The following EAF2 variants were observed in gnomAD, a reference collection of about 807,000 sequenced individuals.
The protein encoded by EAF2 is ELL associated factor 2, also known as ELL-associated factor 2.
EAF2 carries 29 observed loss-of-function variants against 29.4 expected under a neutral mutation model. The observed-to-expected ratio is 0.99, with a 90% CI of 0.73 to 1.35. EAF2 has a LOEUF of 1.35. EAF2 is among the 40% of genes most tolerant of loss of function. The probability of loss-of-function intolerance (pLI) is 0.00; values close to 1 mark genes in which losing one functional copy is unlikely to be tolerated. For synonymous variants in EAF2, 103 were observed against 102.5 expected (o/e 1.00, Z -0.03); for missense variants, 292 against 312.0 (o/e 0.94, Z 0.48).
rs1222145400 is a variant in EAF2, at chr3:121,879,604, TTTTC to T, written c.737-6722_737-6719del. ...GGGGTCTAGTTCCTTTTTTCTTTTC[TTTTC>T]TTTCTTTCTTTCTTTTTTTTTTTAA... On this transcript the variant is annotated intron_variant, in intron 5 of 5. Transcript: ENST00000273668. 5.6e-3 allele frequency among the ~76,000 whole-genome samples: 454 copies of T among 81,626 alleles called. 2 individuals carry two copies. The highest frequency in any genetic ancestry group is 0.017 in the African/African-American group (437 of 26,186). 53.5% of individuals were successfully genotyped at this position (81,626 alleles called of 152,430 possible). A position where few individuals can be genotyped will look rare whatever the true frequency, so the allele number is the denominator to read the frequency against.
rs200075766 is a variant in EAF2 at position 121,835,246 on chromosome 3, G to C, written c.-40G>C. 1.5e-5 allele frequency: 24 copies of C among 1,593,650 alleles called. 1 individual carries two copies. The South Asian group carries it at 2.3e-4, about 15-fold the overall frequency. ...TTCAGGCTGAGGTGGCAGATAGTGA[G>C]CGCTGGTGGCGGAGTTAAAGTCAAA... On this transcript the variant is annotated 5_prime_UTR_variant, in exon 1 of 6. Transcript: ENST00000273668.
intron 5 of EAF2, among the ~76,000 whole-genome samples, chr3:121,883,933 G>A (rs1709232947): frequency 6.6e-6 from 1 of 152,154 alleles, no homozygotes; most frequent in South Asian, 2.1e-4. Context: ...AAGGCAAAAT[G>A]GAACTCTGAG....
chr3:121,846,309 G>A (rs922178577), intron 2 of EAF2, among the ~76,000 whole-genome samples: 1 of 152,016 alleles, frequency 6.6e-6, no homozygotes, highest in Non-Finnish European at 1.5e-5. Context: ...GCTTTTTATT[G>A]AATATTTCTA....
intron 2 of EAF2, among the ~76,000 whole-genome samples, chr3:121,846,533 T>C (rs1425678532): frequency 6.6e-6 from 1 of 152,152 alleles, no homozygotes; most frequent in African/African-American, 2.4e-5. Flanking sequence ...TTTAAGAGGT[T>C]AAAGCCTCAC....
intron 5 of EAF2, among the ~76,000 whole-genome samples, chr3:121,876,264 A>C (rs1246993950): frequency 6.6e-6 from 1 of 151,958 alleles, no homozygotes; most frequent in Non-Finnish European, 1.5e-5. Context: ...TGTTGAAGGA[A>C]TATAATTCTA....
At chr3:121,852,593 C>G (rs999355372) in intron 2 of EAF2, among the ~76,000 whole-genome samples, 1 of 152,162 alleles carries the variant, frequency 6.6e-6, no homozygotes. Context: ...AATTTTCCCT[C>G]CATACCTTCA....
chr3:121,862,563 C>T (rs529105109), intron 4 of EAF2, among the ~76,000 whole-genome samples: 2 of 152,076 alleles, frequency 1.3e-5, no homozygotes, highest in Non-Finnish European at 2.9e-5. Context: ...TTCTAGTTAG[C>T]CATTTGTTTA....
At chr3:121,878,101 G>A (rs1429805940) in intron 5 of EAF2, among the ~76,000 whole-genome samples, 2 of 152,136 alleles carry the variant, frequency 1.3e-5, no homozygotes, top group African/African-American at 4.8e-5. Flanking sequence ...AATAGATAAT[G>A]AGGAAACATT....
chr3:121,885,163 A>G (rs1449224747), intron 5 of EAF2, among the ~76,000 whole-genome samples: 1 of 152,214 alleles, frequency 6.6e-6, no homozygotes, highest in African/African-American at 2.4e-5. Flanking sequence ...AACTCAGTAA[A>G]TGATTTATCC....
rs547516406 is a variant in EAF2 at position 121,872,989 on chromosome 3, AT to A, written c.736+202del. 2.2e-4 allele frequency: 179 copies of A among 827,958 alleles called. 1 individual carries two copies. Among genetic ancestry groups the A allele is most frequent in the Admixed American group, 2.8e-4 (14 of 49,818 alleles). 51.3% of individuals were successfully genotyped at this position (827,958 alleles called of 1,614,324 possible). A position where few individuals can be genotyped will look rare whatever the true frequency, so the allele number is the denominator to read the frequency against. On this transcript the variant is annotated intron_variant, in intron 5 of 5. Transcript: ENST00000273668. ...CTTGGTTTTTCTCCCATCTCTCTAG[AT>A]AATCTTTCCTCTCACTCCTTTTCAA...
At chr3:121,848,411 T>A (rs1013996939) in intron 2 of EAF2, among the ~76,000 whole-genome samples, 6 of 152,238 alleles carry the variant, frequency 3.9e-5, no homozygotes, top group Non-Finnish European at 8.8e-5. Flanking sequence ...GATCTGCTAA[T>A]GAATTCTCTT....
At chr3:121,840,096 C>CAG (rs1311840760) in intron 1 of EAF2, among the ~76,000 whole-genome samples, 1 of 145,820 alleles carries the variant, frequency 6.9e-6, no homozygotes, top group South Asian at 2.1e-4. Context: ...AAGGCTGAGA[C>CAG]AGAGAATTGC....
intron 4 of EAF2, among the ~76,000 whole-genome samples, chr3:121,861,769 T>C (rs1708837565): frequency 6.6e-6 from 1 of 152,232 alleles, no homozygotes; most frequent in Admixed American, 6.5e-5. Flanking sequence ...CTAGCATCAA[T>C]GGTCTTTACA....
At chr3:121,857,785 T>C (rs1330407927) in intron 4 of EAF2, among the ~76,000 whole-genome samples, 1 of 152,066 alleles carries the variant, frequency 6.6e-6, no homozygotes, top group Admixed American at 6.5e-5. Flanking sequence ...AACTCATCAT[T>C]TACATTAGGT....
chr3:121,879,139 G>C (rs1709150019), intron 5 of EAF2, among the ~76,000 whole-genome samples: 1 of 152,098 alleles, frequency 6.6e-6, no homozygotes, highest in African/African-American at 2.4e-5. Context: ...TTTTTCATAT[G>C]CCTGTGGGCA....
intron 2 of EAF2, among the ~76,000 whole-genome samples, chr3:121,847,651 G>T (rs11923248): frequency 0.17 from 25,469 of 152,000 alleles, 2,747 homozygotes; most frequent in Middle Eastern, 0.28. Context: ...GGAGAGGGGG[G>T]GAGGAAGTAT....
intron 1 of EAF2, among the ~76,000 whole-genome samples, chr3:121,842,417 C>T (rs1708453013): frequency 6.6e-6 from 1 of 152,130 alleles, no homozygotes; most frequent in Admixed American, 6.5e-5. Flanking sequence ...ATTGATATAT[C>T]TTGGCCAACC....
At position 121,872,644 on chromosome 3, in the gene EAF2, G is replaced by A; in HGVS notation, c.592G>A (p.Glu198Lys). The A allele has an allele frequency of 6.2e-7, 1 of 1,612,978 alleles. No individual in the cohort carries two copies. ...SSSEDSSSDS[E>K]DEDCKSSTSD... Reference sequence around the variant, plus strand: ...TAGTGAGGATAGTTCTAGTGACTCAGAAGATGAAGATTGCAAATCCTCTAC... The same window carrying A: ...TAGTGAGGATAGTTCTAGTGACTCAAAAGATGAAGATTGCAAATCCTCTAC... Residue 198 changes from glutamate to lysine, a missense_variant, in exon 5 of 6, where the codon GAA (glutamate) becomes AAA (lysine). By Grantham distance (56) the Glu-to-Lys change is moderately conservative. Coordinates refer to ENST00000273668, the MANE Select transcript of EAF2 (RefSeq NM_018456.6).
chr3:121,854,852 TATAAAC>T (rs1708692045), intron 3 of EAF2, 29 bp downstream of exon 3: 1 of 1,494,382 alleles, frequency 6.7e-7, no homozygotes, highest in African/African-American at 1.5e-5. Flanking sequence ...TAAATTATAT[TATAAAC>T]ATAAATTTCT....
Sources: gnomAD v4.1 joint callset for allele counts (sites outside exome capture counted in the v4.1 genomes callset) on GRCh38, gnomAD v4.1.1 for gene constraint, MANE v1.5 for transcripts, NCBI Gene and HGNC (gene_info 2026-07-23, HGNC 2026-07-21) for gene names.